The following ZNF329 variants were observed in gnomAD, a reference collection of about 807,000 sequenced individuals.
ZNF329 encodes the protein zinc finger protein 329.
Under a neutral mutation model 26.6 loss-of-function variants are expected in ZNF329, and 15 were observed. That is an observed-to-expected ratio of 0.56 (90% CI 0.38 to 0.87). The LOEUF (loss-of-function observed/expected upper bound fraction) is 0.87. Ranked by LOEUF, ZNF329 falls within the 40% of genes least tolerant of loss-of-function variation. The pLI is 0.00. For missense variants in ZNF329, 651 were observed against 651.9 expected, an observed-to-expected ratio of 1.00 and a Z score of 0.02; for synonymous variants, 239 against 233.5, an observed-to-expected ratio of 1.02 and a Z score of -0.21.
At position 58,126,421 on chromosome 19, in the gene ZNF329, T is replaced by C. The variant is rs2074802705; in HGVS notation, c.*1457A>G. On this transcript the variant is annotated 3_prime_UTR_variant, in exon 4 of 4. Transcript: ENST00000598312. ...ACATATTTTTACATGGCTGGAATAATAGTAAATCTTCTATTTGATGCCCCT... is the reference window on the plus strand; with the variant it reads ...ACATATTTTTACATGGCTGGAATAACAGTAAATCTTCTATTTGATGCCCCT... 2 of 152,224 alleles carry C rather than the reference T, an allele frequency of 1.3e-5. No homozygotes were observed. The highest frequency in any genetic ancestry group is 2.1e-4 in the South Asian group (1 of 4,830). The allele number at this position is 152,224 out of a possible 1,614,324, so 9.4% of individuals were successfully genotyped here. A position where few individuals can be genotyped will look rare whatever the true frequency, so the allele number is the denominator to read the frequency against.
In ZNF329 at chr19:58,129,300, A is replaced by T. The variant is rs1179372141; in HGVS notation, c.204T>A (p.Gly68=). 5 of 1,614,004 alleles carry T rather than the reference A, an allele frequency of 3.1e-6. No individual in the cohort carries two copies. In the African/African-American group the frequency reaches 6.7e-5, roughly 22 times the overall value. The change falls in exon 4 of 4, where the codon GGT becomes GGA. Residue 68 remains glycine (G), a synonymous_variant. Coordinates refer to ENST00000598312, the MANE Select transcript of ZNF329 (RefSeq NM_024620.4). Reference sequence around the variant, plus strand: ...AGCTTGCAATCAAATGCTCCCCAAAACCAGGATATTCACAAATTGCTTCCT... The same window carrying T: ...AGCTTGCAATCAAATGCTCCCCAAATCCAGGATATTCACAAATTGCTTCCT... The part of the protein sequence containing the change: ...GTQEAICEYP[G]FGEHLIASSD...
At chr19:58,153,494 A>G (rs1489336277), upstream of ZNF329, among the ~76,000 whole-genome samples, 1 of 152,206 alleles carries the variant, frequency 6.6e-6, no homozygotes, top group Non-Finnish European at 1.5e-5. Flanking sequence ...TTTGCAGACC[A>G]TAAGGTCTCT....
chr19:58,134,889 T>C (rs1040593659), intron 3 of ZNF329, among the ~76,000 whole-genome samples: 4 of 152,104 alleles, frequency 2.6e-5, no homozygotes, highest in Admixed American at 6.6e-5. Flanking sequence ...TGAGCCAAGA[T>C]TGACCCACTG....
rs2074821184 is a variant in ZNF329, at chr19:58,127,201, A to T, written c.*677T>A. Reference sequence around the variant, plus strand: ...CCTGCCAAAGCCTCTCTTTCTGATTACACTTAAAAAAGGTTGATTCAGGCC... The same window carrying T: ...CCTGCCAAAGCCTCTCTTTCTGATTTCACTTAAAAAAGGTTGATTCAGGCC... On this transcript the variant is annotated 3_prime_UTR_variant, in exon 4 of 4. Coordinates refer to ENST00000598312, the MANE Select transcript of ZNF329 (RefSeq NM_024620.4). 6.6e-6 allele frequency: 1 copy of T among 152,204 alleles called. No homozygotes were observed. Among genetic ancestry groups the T allele is most frequent in the Admixed American group, 6.6e-5 (1 of 15,264 alleles). 9.4% of individuals were successfully genotyped at this position (152,204 alleles called of 1,614,324 possible). A position where few individuals can be genotyped will look rare whatever the true frequency, so the allele number is the denominator to read the frequency against.
chr19:58,143,993 A>T (rs1424000620), intron 1 of ZNF329, among the ~76,000 whole-genome samples: 1 of 151,674 alleles, frequency 6.6e-6, no homozygotes, highest in Admixed American at 6.6e-5. Context: ...AGGGAGAAGA[A>T]TTGCTGGAAC....
chr19:58,129,017 C>A lies in ZNF329; in HGVS notation c.487G>T (p.Gly163Cys). Residue 163 changes from glycine (G) to cysteine (C), a missense_variant, in exon 4 of 4, where the codon GGT (glycine) becomes TGT (cysteine). Gly to Cys is a radical substitution (Grantham distance 159, BLOSUM62 -3). Transcript: ENST00000598312. Reference protein sequence around the residue: ...VKSFNHFTSLGHQKIMKRGKK... With the variant: ...VKSFNHFTSLCHQKIMKRGKK... ...CCTCTTTTCATTATTTTCTGATGAC[C>A]AAGAGAGGTAAAATGATTAAAAGAC... 1 of 1,613,490 alleles carries A rather than the reference C, an allele frequency of 6.2e-7. No homozygotes were observed. Among genetic ancestry groups the A allele is most frequent in the South Asian group, 1.1e-5 (1 of 91,058 alleles).
chr19:58,141,526 C>CTAAG (rs1489887325), intron 3 of ZNF329, among the ~76,000 whole-genome samples: 15 of 152,054 alleles, frequency 9.9e-5, no homozygotes, highest in African/African-American at 3.6e-4. Flanking sequence ...AACTCCTGAC[C>CTAAG]TAAGGTGATC....
rs1600035473 is a variant in ZNF329 at position 58,127,772 on chromosome 19, A to G, written c.*106T>C. 1 of 1,104,380 alleles carries G rather than the reference A, an allele frequency of 9.1e-7. No individual in the cohort carries two copies. Among genetic ancestry groups the G allele is most frequent in the South Asian group, 1.7e-5 (1 of 59,676 alleles). 68.4% of individuals were successfully genotyped at this position (1,104,380 alleles called of 1,614,324 possible). On this transcript the variant is annotated 3_prime_UTR_variant, in exon 4 of 4. Coordinates refer to ENST00000598312, the MANE Select transcript of ZNF329 (RefSeq NM_024620.4). Reference sequence around the variant, plus strand: ...TCTCACATTCATCAATTCACTGGATAGCTTAAAGGATTCTTTTCTACTGAC... The same window carrying G: ...TCTCACATTCATCAATTCACTGGATGGCTTAAAGGATTCTTTTCTACTGAC...
chr19:58,147,778 C>G (rs1271145366), intron 1 of ZNF329, among the ~76,000 whole-genome samples: 1 of 690 alleles, frequency 1.4e-3, no homozygotes. Flanking sequence ...TGGGGGGGGT[C>G]AGCCCCCCCA....
chr19:58,131,468 A>G (rs2074942309), intron 3 of ZNF329, among the ~76,000 whole-genome samples: 1 of 152,234 alleles, frequency 6.6e-6, no homozygotes, highest in African/African-American at 2.4e-5. Context: ...GAAGTCTGAT[A>G]TCAGCATTCA....
chr19:58,144,360 C>CTATCTATCTATCTATCTA (rs1307563137), intron 1 of ZNF329, among the ~76,000 whole-genome samples: 1 of 77,390 alleles, frequency 1.3e-5, no homozygotes, highest in Admixed American at 1.5e-4. Context: ...CTATATCTAT[C>CTATCTATCTATCTATCTA]TATCTATCTA....
Position 58,127,686 on chromosome 19 carries a change from T to C in ZNF329, c.*192A>G. ...ATCATCCCCAAAGACTTTTCTGCCCTCATCCTAAGTTGTCTCTGGAGTTCC... is the reference window on the plus strand; with the variant it reads ...ATCATCCCCAAAGACTTTTCTGCCCCCATCCTAAGTTGTCTCTGGAGTTCC... On this transcript the variant is annotated 3_prime_UTR_variant, in exon 4 of 4. Coordinates refer to ENST00000598312, the MANE Select transcript of ZNF329 (RefSeq NM_024620.4). 5.5e-6 allele frequency: 3 copies of C among 541,760 alleles called. No homozygotes were observed. The highest frequency in any genetic ancestry group is 6.4e-6 in the Non-Finnish European group (2 of 311,426). 33.6% of individuals were successfully genotyped at this position (541,760 alleles called of 1,614,324 possible). A position where few individuals can be genotyped will look rare whatever the true frequency, so the allele number is the denominator to read the frequency against.
At chr19:58,152,683 C>T (rs1372279426), upstream of ZNF329, among the ~76,000 whole-genome samples, 1 of 152,016 alleles carries the variant, frequency 6.6e-6, no homozygotes, top group East Asian at 1.9e-4. Context: ...CATTGTGAAA[C>T]CTGTCTCTAC....
intron 3 of ZNF329, among the ~76,000 whole-genome samples, chr19:58,133,261 C>T (rs2074988833): frequency 6.6e-6 from 1 of 152,212 alleles, no homozygotes; most frequent in African/African-American, 2.4e-5. Flanking sequence ...CTATCAGTCA[C>T]ACTATTGTTC....
intron 1 of ZNF329, among the ~76,000 whole-genome samples, chr19:58,146,538 CCCCTCT>C (rs974445437): frequency 3.3e-5 from 5 of 151,024 alleles, no homozygotes; most frequent in Non-Finnish European, 7.4e-5. Flanking sequence ...TCTCCCCCTC[CCCCTCT>C]CCCTCTCCCC....
chr19:58,130,242 C>T (rs2074907088), intron 3 of ZNF329, among the ~76,000 whole-genome samples: 1 of 148,764 alleles, frequency 6.7e-6, no homozygotes, highest in African/African-American at 2.5e-5. Flanking sequence ...AGAATCACTT[C>T]AACCTGGTAG....
At chr19:58,142,158 A>G (rs1199120269) in intron 3 of ZNF329, among the ~76,000 whole-genome samples, 2 of 152,240 alleles carry the variant, frequency 1.3e-5, no homozygotes, top group Non-Finnish European at 2.9e-5. Flanking sequence ...CAGGCTATTT[A>G]TATGAAATGT....
In ZNF329 at chr19:58,147,768, T is replaced by TG. The variant is rs1174923944; in HGVS notation, c.-208+2983dup. 3.2e-3 allele frequency among the ~76,000 whole-genome samples: 55 copies of TG among 17,348 alleles called. 2 individuals are homozygous for TG. Among genetic ancestry groups the TG allele is most frequent in the South Asian group, 0.025 (10 of 396 alleles). The allele number at this position is 17,348 out of a possible 152,430, so 11.4% of individuals were successfully genotyped here. ...CCAGCCGCCCCGTCCGGGAGGGAGG[T>TG]GGGGGGGGTCAGCCCCCCCACCCGG... On this transcript the variant is annotated intron_variant, in intron 1 of 3. Transcript: ENST00000598312.
upstream of ZNF329, among the ~76,000 whole-genome samples, chr19:58,152,185 C>G (rs1475844655): frequency 1.3e-5 from 2 of 152,136 alleles, no homozygotes; most frequent in African/African-American, 4.8e-5. Flanking sequence ...AAGTTCAGAA[C>G]ACACTGACAT....
Sources: allele counts gnomAD v4.1 joint callset (sites outside exome capture counted in the v4.1 genomes callset), GRCh38; gene constraint gnomAD v4.1.1; transcripts MANE v1.5; gene names NCBI Gene and HGNC (gene_info 2026-07-23, HGNC 2026-07-21).